The following MAP3K5 variants were observed in gnomAD, a reference collection of about 807,000 sequenced individuals.
The protein encoded by MAP3K5 is ASK-1.
Under a neutral mutation model 158.7 loss-of-function variants are expected in MAP3K5, and 56 were observed. The observed-to-expected ratio is 0.35, with a 90% CI of 0.28 to 0.44. The LOEUF (loss-of-function observed/expected upper bound fraction) is 0.44. MAP3K5 is among the 20% of genes least tolerant of loss of function. The pLI is 1.00. For missense variants in MAP3K5, 1,294 were observed against 1,674.8 expected (o/e 0.77, Z 3.97); for synonymous variants, 579 against 601.7 (o/e 0.96, Z 0.55).
At chr6:136,738,970 A>T (rs1782597353) in intron 1 of MAP3K5, among the ~76,000 whole-genome samples, 1 of 151,828 alleles carries the variant, frequency 6.6e-6, no homozygotes, top group Admixed American at 6.6e-5. Flanking sequence ...ACACACACCC[A>T]TGCACACTAG....
intron 10 of MAP3K5, among the ~76,000 whole-genome samples, chr6:136,654,409 T>G (rs577827186): frequency 1.2e-4 from 18 of 152,222 alleles, no homozygotes; most frequent in Non-Finnish European, 2.4e-4. Flanking sequence ...TCTCTTCATA[T>G]AAATTTTTTA....
At chr6:136,674,323 A>C (rs927314300) in intron 7 of MAP3K5, among the ~76,000 whole-genome samples, 2 of 152,050 alleles carry the variant, frequency 1.3e-5, no homozygotes, top group Non-Finnish European at 2.9e-5. Context: ...AATTATTTAA[A>C]ATCTATTGAT....
Position 136,786,694 on chromosome 6 carries a change from G to GA in MAP3K5, c.448+5015dup, listed in dbSNP as rs563005629. On this transcript the variant is annotated intron_variant, in intron 1 of 29. Coordinates refer to ENST00000359015, the MANE Select transcript of MAP3K5 (RefSeq NM_005923.4). Reference sequence around the variant, plus strand: ...TATAGTTAAATAGTAAACAGATCAAGAAAAAATCAGTGAAAACCTTTAACT... The same window carrying GA: ...TATAGTTAAATAGTAAACAGATCAAGAAAAAAATCAGTGAAAACCTTTAACT... 2.0e-3 allele frequency among the ~76,000 whole-genome samples: 295 copies of GA among 150,066 alleles called. 2 individuals carry two copies. Among genetic ancestry groups the GA allele is most frequent in the African/African-American group, 6.9e-3 (281 of 40,996 alleles).
At position 136,792,061 on chromosome 6, in the gene MAP3K5, C is replaced by G. The variant is rs775652102; in HGVS notation, c.97G>C (p.Gly33Arg). 6.4e-7 allele frequency: 1 copy of G among 1,560,268 alleles called. No individual in the cohort carries two copies. Among genetic ancestry groups the G allele is most frequent in the Non-Finnish European group, 8.6e-7 (1 of 1,159,832 alleles). Residue 33 changes from glycine (G) to arginine (R), a missense_variant, in exon 1 of 30, where the codon GGA becomes CGA. By Grantham distance (125) the Gly-to-Arg change is moderately radical (BLOSUM62 -2). Coordinates refer to ENST00000359015, the MANE Select transcript of MAP3K5 (RefSeq NM_005923.4). This position sits in a 1 kb window ranked among gnomAD's most constrained non-coding sequence, Gnocchi z 5.7. ...TIPEGGICRR[G>R]GAAAVGEGEE... Reference sequence around the variant, plus strand: ...CCCTCGCCCACCGCCGCCGCTCCTCCCCTCCTGCAGATGCCGCCCTCGGGG... The same window carrying G: ...CCCTCGCCCACCGCCGCCGCTCCTCGCCTCCTGCAGATGCCGCCCTCGGGG...
At chr6:136,602,839 T>C (rs1036883711) in intron 19 of MAP3K5, among the ~76,000 whole-genome samples, 3 of 152,234 alleles carry the variant, frequency 2.0e-5, no homozygotes, top group African/African-American at 7.2e-5. Flanking sequence ...CTTTTCCCTA[T>C]TACATGATTT....
chr6:136,783,444 C>T lies in MAP3K5; in HGVS notation c.448+8266G>A, dbSNP rs140915781. ...ATGAGGGTATCTTTCTCATATCTAGCCAGTTTCCCCACCTACCTATATCCA... is the reference window on the plus strand; with the variant it reads ...ATGAGGGTATCTTTCTCATATCTAGTCAGTTTCCCCACCTACCTATATCCA... On this transcript the variant is annotated intron_variant, in intron 1 of 29. Transcript: ENST00000359015. 3.3e-3 allele frequency among the ~76,000 whole-genome samples: 495 copies of T among 152,226 alleles called. 6 individuals carry two copies. Among genetic ancestry groups the T allele is most frequent in the African/African-American group, 0.011 (465 of 41,510 alleles).
intron 21 of MAP3K5, among the ~76,000 whole-genome samples, chr6:136,599,228 A>G (rs898884297): frequency 6.0e-5 from 9 of 150,982 alleles, no homozygotes; most frequent in African/African-American, 2.2e-4. Context: ...CTGCTCTCCT[A>G]GGAAGGAGAG....
chr6:136,678,059 C>T (rs948147786), intron 7 of MAP3K5, among the ~76,000 whole-genome samples: 1 of 152,206 alleles, frequency 6.6e-6, no homozygotes, highest in Admixed American at 6.5e-5. Flanking sequence ...TGCTGGATTC[C>T]ATAAGCCTAG....
Position 136,609,519 on chromosome 6 carries a change from G to A in MAP3K5, c.2521+1763C>T, listed in dbSNP as rs1010254772. Among the ~76,000 whole-genome samples, 12 of 152,108 alleles carry A rather than the reference G, an allele frequency of 7.9e-5. No individual in the cohort carries two copies. The highest frequency in any genetic ancestry group is 2.4e-4 in the African/African-American group (10 of 41,408). ...TACAAAATCTGAGTTCTGGCTAGGCGTGGGGGTTCGCACATGTAATCCCAG... is the reference window on the plus strand; with the variant it reads ...TACAAAATCTGAGTTCTGGCTAGGCATGGGGGTTCGCACATGTAATCCCAG... On this transcript the variant is annotated intron_variant, in intron 18 of 29. Coordinates refer to ENST00000359015, the MANE Select transcript of MAP3K5 (RefSeq NM_005923.4). This position sits in a 1 kb window ranked among gnomAD's most constrained non-coding sequence, Gnocchi z 4.4.
At position 136,620,030 on chromosome 6, in the gene MAP3K5, GA is replaced by G. The variant is rs893597655; in HGVS notation, c.2150+2817del. On this transcript the variant is annotated intron_variant, in intron 15 of 29. Transcript: ENST00000359015. Reference sequence around the variant, plus strand: ...CACGCCTATAATCCCAGCACTTTGGGAGGCTGAGGTGGGCAGATCACTTGAG... The same window carrying G: ...CACGCCTATAATCCCAGCACTTTGGGGGCTGAGGTGGGCAGATCACTTGAG... Among the ~76,000 whole-genome samples the G allele has an allele frequency of 5.9e-5, 9 of 152,346 alleles. No homozygotes were observed. The East Asian group carries it at 1.5e-3, about 26-fold the overall frequency.
At chr6:136,669,258 A>G (rs1417816970) in intron 8 of MAP3K5, 25 bp downstream of exon 8, 2 of 1,464,616 alleles carry the variant, frequency 1.4e-6, no homozygotes, top group Admixed American at 1.7e-5. Context: ...CTTGATTTCC[A>G]TGTAAAATAT....
In MAP3K5 at chr6:136,656,612, G is replaced by T. The variant is rs189405206; in HGVS notation, c.1527-152C>A. 9.2e-6 allele frequency: 5 copies of T among 543,220 alleles called. No homozygotes were observed. The East Asian group carries it at 1.6e-4, about 17-fold the overall frequency. The allele number at this position is 543,220 out of a possible 1,614,324, so 33.6% of individuals were successfully genotyped here. Reference sequence around the variant, plus strand: ...TTATTCGTTATTTGTTGCATATCGTGTGTTTTCACACTTTTTTTTTTTTTA... The same window carrying T: ...TTATTCGTTATTTGTTGCATATCGTTTGTTTTCACACTTTTTTTTTTTTTA... On this transcript the variant is annotated intron_variant, in intron 9 of 29. Transcript: ENST00000359015.
Position 136,622,833 on chromosome 6 carries a change from C to G in MAP3K5, c.2150+15G>C. ...AGTACTACAGAACAGCTTTTAGTAG[C>G]TACAATTACTGTACCTGCTGTCTCT... On this transcript the variant is annotated intron_variant, in intron 15 of 29. Transcript: ENST00000359015. The G allele has an allele frequency of 6.3e-7, 1 of 1,587,344 alleles. No homozygotes were observed. Among genetic ancestry groups the G allele is most frequent in the South Asian group, 1.1e-5 (1 of 90,648 alleles).
chr6:136,652,203 GT>G (rs1477242168), intron 10 of MAP3K5, among the ~76,000 whole-genome samples: 2 of 152,094 alleles, frequency 1.3e-5, no homozygotes, highest in Non-Finnish European at 2.9e-5. Flanking sequence ...GGGCATATTT[GT>G]TTTACTCTCA....
chr6:136,636,626 AG>A (rs1279674416), intron 14 of MAP3K5, among the ~76,000 whole-genome samples: 1 of 152,164 alleles, frequency 6.6e-6, no homozygotes, highest in Non-Finnish European at 1.5e-5. Context: ...GACATGGCAG[AG>A]AAAATGGACA....
intron 25 of MAP3K5, among the ~76,000 whole-genome samples, chr6:136,568,120 T>A (rs1319112882): frequency 6.6e-6 from 1 of 152,152 alleles, no homozygotes; most frequent in African/African-American, 2.4e-5. Flanking sequence ...AATGATTTAA[T>A]TCAAGAATGA....
At chr6:136,762,409 C>A (rs1783798906) in intron 1 of MAP3K5, among the ~76,000 whole-genome samples, 1 of 152,152 alleles carries the variant, frequency 6.6e-6, no homozygotes, top group Non-Finnish European at 1.5e-5. Flanking sequence ...GAGCTGTCTG[C>A]CCATGCTTGC....
intron 26 of MAP3K5, among the ~76,000 whole-genome samples, chr6:136,565,273 G>C (rs1300483105): frequency 6.6e-6 from 1 of 152,176 alleles, no homozygotes; most frequent in Non-Finnish European, 1.5e-5. Context: ...TTGAAATCAA[G>C]GCAACTGTCT....
At chr6:136,567,521 A>G (rs1774171674) in intron 26 of MAP3K5, 110 bp downstream of exon 26, 1 of 1,143,822 alleles carries the variant, frequency 8.7e-7, no homozygotes. Context: ...AAGGCATTCA[A>G]TCAAGTTTCC....
Sources: allele counts gnomAD v4.1 joint callset (sites outside exome capture counted in the v4.1 genomes callset), GRCh38; gene constraint gnomAD v4.1.1; non-coding constraint Gnocchi (gnomAD v3.1); transcripts MANE v1.5; gene names NCBI Gene and HGNC (gene_info 2026-07-23, HGNC 2026-07-21).